Variants in SERPINI2 observed in about 807,000 individuals in gnomAD.
SERPINI2 encodes the protein serpin family I member 2, also known as serpin I2.
SERPINI2 carries 48 observed loss-of-function variants against 47.3 expected under a neutral mutation model. That is an observed-to-expected ratio of 1.02 (90% CI 0.81 to 1.29). SERPINI2 has a LOEUF of 1.29. SERPINI2 is among the 50% of genes most tolerant of loss of function. The pLI, the probability that SERPINI2 is intolerant of heterozygous loss-of-function variation, is 0.00. For synonymous variants in SERPINI2, 135 were observed against 149.3 expected (o/e 0.90, Z 0.70); for missense variants, 448 against 456.9 (o/e 0.98, Z 0.18).
At chr3:167,443,117 T>G (rs80064712) in intron 8 of SERPINI2, among the ~76,000 whole-genome samples, 13,568 of 152,314 alleles carry the variant, frequency 0.089, 627 homozygotes, top group Non-Finnish European at 0.11. Flanking sequence ...TTGTTTTGTT[T>G]TGTTTTCTGA....
At chr3:167,458,426 ATT>A (rs34639120) in intron 5 of SERPINI2, among the ~76,000 whole-genome samples, 7 of 128,950 alleles carry the variant, frequency 5.4e-5, no homozygotes, top group Admixed American at 1.6e-4. Flanking sequence ...AATTGTTTGT[ATT>A]TTTTTTTTTT....
At chr3:167,445,001 T>TA (rs1438028271) in intron 8 of SERPINI2, among the ~76,000 whole-genome samples, 2 of 152,286 alleles carry the variant, frequency 1.3e-5, no homozygotes, top group Admixed American at 1.3e-4. Flanking sequence ...ATATTAATTG[T>TA]AAAAAATTAG....
chr3:167,446,510 A>G (rs763511034), intron 7 of SERPINI2, 29 bp from the exon 8 acceptor site: 2 of 1,353,870 alleles, frequency 1.5e-6, no homozygotes, highest in Non-Finnish European at 2.1e-6. Context: ...AGTTATTTAG[A>G]TACTTGCATT....
At chr3:167,458,508 C>T (rs1177499645) in intron 5 of SERPINI2, among the ~76,000 whole-genome samples, 1 of 151,670 alleles carries the variant, frequency 6.6e-6, no homozygotes, top group Non-Finnish European at 1.5e-5. Flanking sequence ...GTGATCTGCC[C>T]ACCTCGGCCT....
At chr3:167,454,055 G>A (rs965028658) in intron 5 of SERPINI2, among the ~76,000 whole-genome samples, 3 of 152,168 alleles carry the variant, frequency 2.0e-5, no homozygotes, top group African/African-American at 7.2e-5. Flanking sequence ...CCAATGAGGG[G>A]CTTTGTCTAT....
At chr3:167,465,323 A>G in exon 5 of SERPINI2, 12 of 1,613,052 alleles carry the variant, frequency 7.4e-6, no homozygotes, top group Non-Finnish European at 1.0e-5. Context: ...AGGAAGTATG[A>G]TAATTAAGCT....
In SERPINI2 at chr3:167,443,866, C is replaced by T. The variant is rs1440828360; in HGVS notation, c.1142-1681G>A. ...AATTGGGCAGATTAATAAAATCTCC[C>T]TTGACATAATAGTGAAGAATTTAGA... On this transcript the variant is annotated intron_variant, in intron 8 of 8. Transcript: ENST00000264677. Among the ~76,000 whole-genome samples, 3 of 152,090 alleles carry T rather than the reference C, an allele frequency of 2.0e-5. No homozygotes were observed. In the East Asian group the frequency reaches 5.8e-4, roughly 29 times the overall value.
intron 3 of SERPINI2, 55 bp downstream of exon 3, chr3:167,467,000 T>A (rs767286565): frequency 3.4e-4 from 444 of 1,324,536 alleles, no homozygotes; most frequent in Non-Finnish European, 4.4e-4. Context: ...TTTAGGATAT[T>A]AAAAACCATG....
chr3:167,459,025 G>A (rs1749898706), intron 5 of SERPINI2, among the ~76,000 whole-genome samples: 1 of 150,174 alleles, frequency 6.7e-6, no homozygotes, highest in South Asian at 2.1e-4. Flanking sequence ...GAAGAATCTG[G>A]CGGCGTATAG....
intron 5 of SERPINI2, among the ~76,000 whole-genome samples, chr3:167,463,680 T>A (rs1199224528): frequency 6.6e-6 from 1 of 152,004 alleles, no homozygotes; most frequent in Non-Finnish European, 1.5e-5. Context: ...TCAAAGAAGG[T>A]AAAGAAAGAG....
chr3:167,476,817 C>A (rs975034681), upstream of SERPINI2, among the ~76,000 whole-genome samples: 1 of 152,066 alleles, frequency 6.6e-6, no homozygotes, highest in South Asian at 2.1e-4. Context: ...CTTATACATG[C>A]CTTCAATACT....
chr3:167,465,559 G>A (rs1309558679), exon 4 of SERPINI2: 2 of 1,613,824 alleles, frequency 1.2e-6, no homozygotes, highest in Admixed American at 1.7e-5. Flanking sequence ...TATCAGCTGT[G>A]TGTCCTCTTT....
upstream of SERPINI2, among the ~76,000 whole-genome samples, chr3:167,476,753 G>A (rs1487205879): frequency 6.6e-6 from 1 of 151,962 alleles, no homozygotes; most frequent in Non-Finnish European, 1.5e-5. Context: ...GAACGCTGAG[G>A]GTAGAAAAGG....
intron 8 of SERPINI2, among the ~76,000 whole-genome samples, chr3:167,445,355 T>G (rs192298744): frequency 6.6e-6 from 1 of 152,220 alleles, no homozygotes; most frequent in Non-Finnish European, 1.5e-5. Context: ...TTCATATTTA[T>G]TAATTTATTC....
At chr3:167,470,980 T>A (rs78655331) in intron 2 of SERPINI2, among the ~76,000 whole-genome samples, 1 of 151,866 alleles carries the variant, frequency 6.6e-6, no homozygotes, top group African/African-American at 2.4e-5. Context: ...ATTTAAATCC[T>A]TTTTTTTCCA....
In SERPINI2 at chr3:167,446,567, G is replaced by T. The variant is rs370364698; in HGVS notation, c.1052-86C>A. On this transcript the variant is annotated intron_variant, in intron 7 of 8. Coordinates refer to ENST00000264677, the Ensembl canonical transcript of SERPINI2. ...TATTCATAATACATTTTGTAGACAG[G>T]AAAAGTCATTTTGTGTAAGGAGTTA... 68 of 830,970 alleles carry T rather than the reference G, an allele frequency of 8.2e-5. No individual in the cohort carries two copies. In the African/African-American group the frequency reaches 1.1e-3, roughly 14 times the overall value. The allele number at this position is 830,970 out of a possible 1,614,324, so 51.5% of individuals were successfully genotyped here.
Position 167,442,201 on chromosome 3 carries a change from C to T in SERPINI2, c.1142-16G>A. On this transcript the variant is annotated splice_polypyrimidine_tract_variant and intron_variant, in intron 8 of 8. Transcript: ENST00000264677. Reference sequence around the variant, plus strand: ...AGAATTGATTCTAGGGAAAAAAAAACAAAAAAATATACTTTAGGAATTTCA... The same window carrying T: ...AGAATTGATTCTAGGGAAAAAAAAATAAAAAAATATACTTTAGGAATTTCA... 1 of 1,518,250 alleles carries T rather than the reference C, an allele frequency of 6.6e-7. No individual in the cohort carries two copies. The highest frequency in any genetic ancestry group is 8.9e-7 in the Non-Finnish European group (1 of 1,123,734). 94.0% of individuals were successfully genotyped at this position (1,518,250 alleles called of 1,614,324 possible). A position where few individuals can be genotyped will look rare whatever the true frequency, so the allele number is the denominator to read the frequency against.
intron 5 of SERPINI2, 73 bp downstream of exon 5, chr3:167,465,133 C>A (rs1056561154): frequency 3.1e-6 from 4 of 1,311,008 alleles, no homozygotes; most frequent in East Asian, 2.3e-5. Flanking sequence ...TATTTGTTAC[C>A]TTTCAGCTGA....
intron 8 of SERPINI2, among the ~76,000 whole-genome samples, chr3:167,446,009 A>G (rs1482456949): frequency 6.6e-6 from 1 of 152,136 alleles, no homozygotes; most frequent in Non-Finnish European, 1.5e-5. Flanking sequence ...TTCCATCCCC[A>G]ATGTGGCATC....
Sources: allele counts gnomAD v4.1 joint callset (sites outside exome capture counted in the v4.1 genomes callset), GRCh38; gene constraint gnomAD v4.1.1; transcripts MANE v1.5; gene names NCBI Gene and HGNC (gene_info 2026-07-23, HGNC 2026-07-21).